The following KANTR variants were observed in gnomAD, a reference collection of about 807,000 sequenced individuals.
The protein encoded by KANTR is KANTR integral membrane protein.
intron 2 of KANTR, among the ~76,000 whole-genome samples, chrX:53,110,502 C>G (rs1556813553): frequency 2.7e-5 from 3 of 112,071 alleles, no homozygotes; most frequent in African/African-American, 9.7e-5. Flanking sequence ...ATTTAATGTA[C>G]TGTTAAATAT....
At chrX:53,109,741 G>A in intron 2 of KANTR, among the ~76,000 whole-genome samples, 1 of 97,916 alleles carries the variant, frequency 1.0e-5, no homozygotes, top group South Asian at 5.2e-4. Context: ...TTGTTCTAAC[G>A]GTTTTCTTTT....
intron 2 of KANTR, among the ~76,000 whole-genome samples, chrX:53,136,693 C>CATATATATATACATATATATATATATAT (rs1933426437): frequency 2.1e-4 from 2 of 9,303 alleles, no homozygotes; most frequent in African/African-American, 3.8e-4. Flanking sequence ...CCACGCCCGG[C>CATATATATATACATATATATATATATAT]ATATATATAT....
At chrX:53,137,507 G>A (rs782678474) in intron 2 of KANTR, among the ~76,000 whole-genome samples, 4 of 112,080 alleles carry the variant, frequency 3.6e-5, no homozygotes, top group Non-Finnish European at 7.5e-5. Context: ...GCTCACGCCT[G>A]TAATCCCGGC....
intron 2 of KANTR, among the ~76,000 whole-genome samples, chrX:53,133,022 G>A (rs1192670882): frequency 1.8e-5 from 2 of 110,816 alleles, no homozygotes; most frequent in African/African-American, 6.6e-5. Flanking sequence ...TGCCTGTGTC[G>A]GGGAGTCGGG....
intron 2 of KANTR, among the ~76,000 whole-genome samples, chrX:53,116,397 CTT>C (rs1933124398): frequency 8.9e-6 from 1 of 112,205 alleles, no homozygotes; most frequent in African/African-American, 3.2e-5. Flanking sequence ...TATCCCAGCT[CTT>C]TCCTTGGCGT....
intron 2 of KANTR, among the ~76,000 whole-genome samples, chrX:53,111,651 C>A (rs183504020): frequency 9.0e-6 from 1 of 111,568 alleles, no homozygotes; most frequent in East Asian, 2.8e-4. Context: ...TCTTTTCTTG[C>A]AGCTTGAAAA....
At chrX:53,136,821 G>T (rs919563185) in intron 2 of KANTR, among the ~76,000 whole-genome samples, 1 of 90,050 alleles carries the variant, frequency 1.1e-5, no homozygotes, top group Non-Finnish European at 2.2e-5. Context: ...TCGGCTTACC[G>T]CAACCTCCCT....
At chrX:53,143,748 G>T, downstream of KANTR, 1 of 584,493 alleles carries the variant, frequency 1.7e-6, no homozygotes, top group Non-Finnish European at 3.0e-6. Flanking sequence ...GGGCCTCATG[G>T]CCCATGTAGG....
At chrX:53,136,954 G>A (rs1156232303) in intron 2 of KANTR, among the ~76,000 whole-genome samples, 1 of 104,009 alleles carries the variant, frequency 9.6e-6, no homozygotes, top group Non-Finnish European at 2.0e-5. Flanking sequence ...TGCCCAGGCT[G>A]GTCTCAAACT....
chrX:53,141,887 GC>G, exon 3 of KANTR: 1 of 465,318 alleles, frequency 2.1e-6, no homozygotes, highest in Non-Finnish European at 2.9e-6. Flanking sequence ...GCAAGTAACA[GC>G]CCACGGTGTT....
intron 2 of KANTR, among the ~76,000 whole-genome samples, chrX:53,105,121 G>C (rs1556812501): frequency 9.0e-6 from 1 of 111,170 alleles, no homozygotes; most frequent in Admixed American, 9.6e-5. Context: ...CTGGGCTCAA[G>C]AGATCTGCCC....
chrX:53,132,780 A>G (rs1232103118), intron 2 of KANTR, among the ~76,000 whole-genome samples: 2 of 111,650 alleles, frequency 1.8e-5, no homozygotes, highest in African/African-American at 6.5e-5. Flanking sequence ...CACCAGGGGC[A>G]TACACAGGGA....
chrX:53,095,418 G>A (rs1932838971), intron 1 of KANTR, among the ~76,000 whole-genome samples: 1 of 108,152 alleles, frequency 9.2e-6, no homozygotes, highest in Admixed American at 1.0e-4. Context: ...TGCTTTGGTC[G>A]TTCTCATACC....
intron 2 of KANTR, among the ~76,000 whole-genome samples, chrX:53,102,366 T>A (rs1932902364): frequency 8.9e-6 from 1 of 112,355 alleles, no homozygotes; most frequent in Non-Finnish European, 1.9e-5. Context: ...GCTCTTCCAA[T>A]ATGGAACAGT....
downstream of KANTR, chrX:53,143,003 A>G: frequency 8.8e-7 from 1 of 1,142,111 alleles, no homozygotes; most frequent in African/African-American, 1.8e-5. Context: ...ATGCCAGGGC[A>G]CATGGTGGTG....
At chrX:53,134,451 G>A (rs1933397255) in intron 2 of KANTR, among the ~76,000 whole-genome samples, 1 of 111,713 alleles carries the variant, frequency 9.0e-6, no homozygotes, top group Non-Finnish European at 1.9e-5. Context: ...GGAAGGAGAT[G>A]AGGGATCCAC....
downstream of KANTR, among the ~76,000 whole-genome samples, chrX:53,145,840 C>G (rs1426866017): frequency 3.6e-5 from 4 of 112,068 alleles, no homozygotes; most frequent in African/African-American, 1.3e-4. Context: ...TTGCTGTTCA[C>G]CAATATCTGC....
intron 2 of KANTR, among the ~76,000 whole-genome samples, chrX:53,135,109 C>T (rs73208464): frequency 8.9e-6 from 1 of 111,876 alleles, no homozygotes; most frequent in Non-Finnish European, 1.9e-5. Flanking sequence ...TTCATTAGCC[C>T]ATTTCACAGT....
chrX:53,134,681 T>C (rs143837342), intron 2 of KANTR, among the ~76,000 whole-genome samples: 127 of 111,812 alleles, frequency 1.1e-3, no homozygotes, highest in African/African-American at 4.0e-3. Flanking sequence ...AATAATCACA[T>C]TGGAATATCT....
Sources: allele counts gnomAD v4.1 joint callset (sites outside exome capture counted in the v4.1 genomes callset), GRCh38; gene constraint gnomAD v4.1.1; transcripts MANE v1.5; gene names NCBI Gene and HGNC (gene_info 2026-07-23, HGNC 2026-07-21).